The following ZNF892 variants were observed in gnomAD, a reference collection of about 807,000 sequenced individuals.
The protein encoded by ZNF892 is zinc finger protein 570-like.
the ZNF892 span, among the ~76,000 whole-genome samples, chr2:95,209,101 G>A: frequency 1.3e-5 from 2 of 152,112 alleles, no homozygotes; most frequent in Non-Finnish European, 2.9e-5. Flanking sequence ...AGAAATCATT[G>A]GTCCAGACAA....
the ZNF892 span, among the ~76,000 whole-genome samples, chr2:95,237,883 C>A: frequency 6.6e-6 from 1 of 152,144 alleles, no homozygotes; most frequent in African/African-American, 2.4e-5. Flanking sequence ...GAAGCCTAAT[C>A]CAGAGCAAAC....
chr2:95,248,654 T>G, the ZNF892 span, among the ~76,000 whole-genome samples: 5 of 152,098 alleles, frequency 3.3e-5, no homozygotes, highest in African/African-American at 1.2e-4. Flanking sequence ...CCTGGTTATT[T>G]TAACAGAGAG....
chr2:95,233,573 T>G, the ZNF892 span, among the ~76,000 whole-genome samples: 1,657 of 143,300 alleles, frequency 0.012, 17 homozygotes, highest in Non-Finnish European at 0.018. Flanking sequence ...CTCAGGAGGC[T>G]GAGGCAGGAG....
chr2:95,231,110 A>G, the ZNF892 span, among the ~76,000 whole-genome samples: 1 of 152,236 alleles, frequency 6.6e-6, no homozygotes, highest in Non-Finnish European at 1.5e-5. Flanking sequence ...ATGAACACAT[A>G]TGTTCACAAA....
chr2:95,223,869 C>T, the ZNF892 span, among the ~76,000 whole-genome samples: 1 of 151,986 alleles, frequency 6.6e-6, no homozygotes, highest in Non-Finnish European at 1.5e-5. Context: ...GTTTGTGTAC[C>T]CTCGAAATTC....
chr2:95,246,511 A>G, the ZNF892 span, among the ~76,000 whole-genome samples: 2 of 152,214 alleles, frequency 1.3e-5, no homozygotes, highest in Non-Finnish European at 2.9e-5. Context: ...AGTTCTGGCC[A>G]GGGAAATCAG....
chr2:95,253,679 TGGG>T, the ZNF892 span, among the ~76,000 whole-genome samples: 1 of 152,338 alleles, frequency 6.6e-6, no homozygotes, highest in East Asian at 1.9e-4. Flanking sequence ...TTGGGCAGTA[TGGG>T]CATTTTCACA....
chr2:95,256,463 C>T, the ZNF892 span, among the ~76,000 whole-genome samples: 1 of 152,188 alleles, frequency 6.6e-6, no homozygotes, highest in Non-Finnish European at 1.5e-5. Context: ...ATGGGCTTCC[C>T]TTTGTGGGTA....
At chr2:95,258,340 A>G in the ZNF892 span, among the ~76,000 whole-genome samples, 1 of 152,136 alleles carries the variant, frequency 6.6e-6, no homozygotes, top group Non-Finnish European at 1.5e-5. Context: ...TCCAGTCCCC[A>G]CTGCCTGGAG....
chr2:95,210,454 C>T, the ZNF892 span, among the ~76,000 whole-genome samples: 1 of 152,088 alleles, frequency 6.6e-6, no homozygotes, highest in Non-Finnish European at 1.5e-5. Context: ...TTCAAAAGAG[C>T]ATTACCTGCC....
At chr2:95,233,162 T>A in the ZNF892 span, among the ~76,000 whole-genome samples, 1 of 152,092 alleles carries the variant, frequency 6.6e-6, no homozygotes, top group Non-Finnish European at 1.5e-5. Flanking sequence ...TTGCTTTAGT[T>A]TTACACATAC....
chr2:95,219,094 G>A, the ZNF892 span, among the ~76,000 whole-genome samples: 1 of 152,126 alleles, frequency 6.6e-6, no homozygotes, highest in East Asian at 1.9e-4. Context: ...CACCTCCCAG[G>A]TTCACGCCAT....
At chr2:95,217,841 T>G in the ZNF892 span, among the ~76,000 whole-genome samples, 68 of 152,302 alleles carry the variant, frequency 4.5e-4, 1 homozygote, top group Middle Eastern at 3.4e-3. Flanking sequence ...TGCCCCTAAG[T>G]CTTCAGTTGG....
At chr2:95,233,392 G>T in the ZNF892 span, among the ~76,000 whole-genome samples, 2 of 151,414 alleles carry the variant, frequency 1.3e-5, no homozygotes, top group Non-Finnish European at 2.9e-5. Context: ...AAAACATCTC[G>T]GCCGGGCGCG....
the ZNF892 span, among the ~76,000 whole-genome samples, chr2:95,217,823 GA>G: frequency 6.6e-6 from 1 of 152,136 alleles, no homozygotes; most frequent in African/African-American, 2.4e-5. Flanking sequence ...GCCTCTGCAG[GA>G]CAATTCTGCC....
the ZNF892 span, among the ~76,000 whole-genome samples, chr2:95,237,849 C>A: frequency 6.6e-6 from 1 of 152,172 alleles, no homozygotes; most frequent in Non-Finnish European, 1.5e-5. Context: ...GAAGATCAAG[C>A]CAGCTGCAAT....
the ZNF892 span, among the ~76,000 whole-genome samples, chr2:95,256,977 A>G: frequency 6.6e-6 from 1 of 152,128 alleles, no homozygotes; most frequent in Admixed American, 6.6e-5. Flanking sequence ...CATTCGTCTA[A>G]TCTTTTTTCA....
At chr2:95,227,893 C>T in the ZNF892 span, among the ~76,000 whole-genome samples, 2 of 152,170 alleles carry the variant, frequency 1.3e-5, no homozygotes, top group Non-Finnish European at 2.9e-5. Flanking sequence ...CATGTGTCTT[C>T]TATGAGCAAG....
chr2:95,236,448 A>G, the ZNF892 span, among the ~76,000 whole-genome samples: 5 of 152,230 alleles, frequency 3.3e-5, no homozygotes, highest in African/African-American at 1.2e-4. Flanking sequence ...CAGTTATAAA[A>G]ACTACAATCA....
Sources: allele counts gnomAD v4.1 joint callset (sites outside exome capture counted in the v4.1 genomes callset), GRCh38; gene constraint gnomAD v4.1.1; transcripts MANE v1.5; gene names NCBI Gene and HGNC (gene_info 2026-07-23, HGNC 2026-07-21).